Variants in ELF2 observed in about 807,000 individuals in gnomAD.
ELF2 encodes E74 like ETS transcription factor 2.
Under a neutral mutation model 54.8 loss-of-function variants are expected in ELF2, and 11 were observed. The observed-to-expected ratio is 0.20, with a 90% CI of 0.13 to 0.33. ELF2 has a LOEUF of 0.33. Among genes scored for constraint, ELF2 ranks in the 10% least tolerant of loss-of-function variants. The probability of loss-of-function intolerance (pLI) is 1.00; values close to 1 mark genes in which losing one functional copy is unlikely to be tolerated. For synonymous variants in ELF2, 203 were observed against 245.1 expected, an observed-to-expected ratio of 0.83 and a Z score of 1.61; for missense variants, 513 against 703.0, an observed-to-expected ratio of 0.73 and a Z score of 3.06.
intron 4 of ELF2, among the ~76,000 whole-genome samples, chr4:139,085,844 T>A (rs1731923250): frequency 6.6e-6 from 1 of 152,148 alleles, no homozygotes; most frequent in Non-Finnish European, 1.5e-5. Flanking sequence ...AGGCAGGCCA[T>A]TTTCTTGAGC....
chr4:139,115,364 C>T, intron 4 of ELF2: 1 of 1,142,376 alleles, frequency 8.8e-7, no homozygotes, highest in Non-Finnish European at 1.1e-6. Flanking sequence ...CGCGGTGCCG[C>T]TGTCCGCCAT....
chr4:139,060,188 A>AGTG, intron 9 of ELF2, 136 bp downstream of exon 9: 1 of 773,276 alleles, frequency 1.3e-6, no homozygotes, highest in Non-Finnish European at 2.0e-6. Context: ...TATAATTAAA[A>AGTG]CATCAAGCAC....
rs1204927693 is a variant in ELF2 at position 139,125,322 on chromosome 4, T to C, written c.80A>G (p.Glu27Gly). ...SNGVENQEES[E>G]KVSEYPAVIV... ...CACTGCTGGATATTCAGAAACCTTT[T>C]CACTTTCCTATAAGAGCAAATTTAA... Residue 27 changes from glutamate (E) to glycine (G), a missense_variant, in exon 4 of 10, where the codon GAA (glutamate) becomes GGA (glycine). Around this residue, in one of 3 missense-constraint regions of ELF2, gnomAD observed 203 missense variants for 245.9 expected, o/e 0.83. Coordinates refer to ENST00000686138, the MANE Select transcript of ELF2 (RefSeq NM_001331036.3). The C allele has an allele frequency of 1.2e-6, 2 of 1,606,372 alleles. No homozygotes were observed. The highest frequency in any genetic ancestry group is 1.8e-5 in the Admixed American group (1 of 56,898).
chr4:139,075,275 A>G (rs1730135904), intron 4 of ELF2, among the ~76,000 whole-genome samples: 1 of 152,162 alleles, frequency 6.6e-6, no homozygotes, highest in African/African-American at 2.4e-5. Context: ...TACCTGAGGT[A>G]AGCAACTTAA....
upstream of ELF2, chr4:139,177,259 A>AC (rs994015088): frequency 9.0e-5 from 1 of 11,126 alleles, no homozygotes; most frequent in Non-Finnish European, 2.1e-4. Context: ...CCCTCCCTCC[A>AC]CCCCCCGCCT....
At chr4:139,173,307 G>A (rs1742517494) in intron 1 of ELF2, among the ~76,000 whole-genome samples, 1 of 151,698 alleles carries the variant, frequency 6.6e-6, no homozygotes, top group South Asian at 2.1e-4. Context: ...ATTAAAAAGT[G>A]TACATACCCA....
At chr4:139,115,432 G>C (rs2148818654) in intron 4 of ELF2, 3 of 986,090 alleles carry the variant, frequency 3.0e-6, no homozygotes, top group Non-Finnish European at 3.6e-6. Flanking sequence ...CCGCCTCCGG[G>C]ACGCCCCCGG....
chr4:139,092,630 C>G (rs1208446941), intron 4 of ELF2, among the ~76,000 whole-genome samples: 1 of 151,744 alleles, frequency 6.6e-6, no homozygotes, highest in African/African-American at 2.4e-5. Context: ...GAAACCACGT[C>G]TCTACTAAAA....
rs1727428263 is a variant in ELF2 at position 139,059,108 on chromosome 4, G to A, written c.1657C>T (p.Leu553=). The change falls in exon 10 of 10, where the codon CTA becomes TTA. Residue 553 remains leucine (L), a synonymous_variant. Coordinates refer to ENST00000686138, the MANE Select transcript of ELF2 (RefSeq NM_001331036.3). ...KQEHDVKTLQ[L]VEEKPADGNK... ...CCATCTGCTGGTTTTTCTTCTACTAGCTGCAAAGTTTTCACATCATGTTCT... is the reference window on the plus strand; with the variant it reads ...CCATCTGCTGGTTTTTCTTCTACTAACTGCAAAGTTTTCACATCATGTTCT... The A allele has an allele frequency of 6.2e-7, 1 of 1,613,822 alleles. No homozygotes were observed. The highest frequency in any genetic ancestry group is 1.3e-5 in the African/African-American group (1 of 74,914).
intron 4 of ELF2, among the ~76,000 whole-genome samples, chr4:139,078,653 TA>T (rs1019749455): frequency 3.3e-5 from 5 of 151,950 alleles, no homozygotes; most frequent in Non-Finnish European, 7.4e-5. Flanking sequence ...AAATTAAGTT[TA>T]AATTAATTAA....
chr4:139,148,739 G>A (rs544409175), intron 1 of ELF2, among the ~76,000 whole-genome samples: 3 of 150,352 alleles, frequency 2.0e-5, no homozygotes, highest in South Asian at 2.1e-4. Context: ...CATTTCTTTC[G>A]CATATATAGC....
rs531137744 is a variant in ELF2 at position 139,167,674 on chromosome 4, A to G, written c.-252+9293T>C. Among the ~76,000 whole-genome samples, 10 of 152,308 alleles carry G rather than the reference A, an allele frequency of 6.6e-5. No individual in the cohort carries two copies. The East Asian group carries it at 1.9e-3, about 29-fold the overall frequency. ...TTCCTCCAATCCAACTTTCTTCCAC[A>G]GAATTATTAAAACAGAAATTGCTCT... On this transcript the variant is annotated intron_variant, in intron 1 of 9. Coordinates refer to ENST00000686138, the MANE Select transcript of ELF2 (RefSeq NM_001331036.3).
chr4:139,111,929 C>A (rs12648139), intron 4 of ELF2, among the ~76,000 whole-genome samples: 2,713 of 152,260 alleles, frequency 0.018, 78 homozygotes, highest in East Asian at 0.12. Context: ...GGAGTTCAGA[C>A]TTTAAGTAAT....
At chr4:139,156,189 G>A (rs1168788142) in intron 1 of ELF2, among the ~76,000 whole-genome samples, 1 of 150,722 alleles carries the variant, frequency 6.6e-6, no homozygotes, top group African/African-American at 2.4e-5. Flanking sequence ...CGGGGGAGTC[G>A]TCGGGGGACG....
Position 139,137,873 on chromosome 4 carries a change from A to C in ELF2, c.-166-6T>G. On this transcript the variant is annotated splice_region_variant and splice_polypyrimidine_tract_variant and intron_variant, in intron 2 of 9. Coordinates refer to ENST00000686138, the MANE Select transcript of ELF2 (RefSeq NM_001331036.3). ...AAGATGATTAACCAGAAAGCCTAAA[A>C]AGAGGAAGAATTTGAAAAGTTATTT... 7.7e-7 allele frequency: 1 copy of C among 1,303,876 alleles called. No homozygotes were observed. The highest frequency in any genetic ancestry group is 9.7e-7 in the Non-Finnish European group (1 of 1,026,508). 80.8% of individuals were successfully genotyped at this position (1,303,876 alleles called of 1,614,324 possible).
rs552089882 is a variant in ELF2, at chr4:139,068,677, T to G, written c.527-907A>C. ...TGCCATAAGGCTCTCTCAGACAGAC[T>G]AGCATCCACAATGAATAGAAAAAGT... On this transcript the variant is annotated intron_variant, in intron 6 of 9. Transcript: ENST00000686138. Among the ~76,000 whole-genome samples the G allele has an allele frequency of 1.9e-4, 29 of 152,316 alleles. No individual in the cohort carries two copies. The South Asian group carries it at 6.0e-3, about 32-fold the overall frequency.
At chr4:139,089,243 C>T (rs1732332443) in intron 4 of ELF2, among the ~76,000 whole-genome samples, 1 of 152,116 alleles carries the variant, frequency 6.6e-6, no homozygotes, top group Admixed American at 6.5e-5. Flanking sequence ...CATCATCTTA[C>T]CAGGTTAGAA....
chr4:139,165,189 T>C (rs560091560), intron 1 of ELF2, among the ~76,000 whole-genome samples: 26 of 152,354 alleles, frequency 1.7e-4, no homozygotes, highest in African/African-American at 6.3e-4. Flanking sequence ...GGTTAAGGGT[T>C]TGGGGTTTTT....
chr4:139,114,561 T>TCTCACACACACACA (rs70940492), intron 4 of ELF2, among the ~76,000 whole-genome samples: 1 of 108,636 alleles, frequency 9.2e-6, no homozygotes, highest in Non-Finnish European at 1.8e-5. Context: ...GACTTCAGTC[T>TCTCACACACACACA]CACACACACA....
Sources: allele counts gnomAD v4.1 joint callset (sites outside exome capture counted in the v4.1 genomes callset), GRCh38; gene constraint gnomAD v4.1.1; regional missense constraint gnomAD v4.1.1; transcripts MANE v1.5; gene names NCBI Gene and HGNC (gene_info 2026-07-23, HGNC 2026-07-21).